Variants in INTS4 observed in about 807,000 individuals in gnomAD.
INTS4 encodes integrator complex subunit 4.
In INTS4, 70 loss-of-function variants were observed where a neutral mutation model predicts 119.5. The observed-to-expected ratio is 0.59, with a 90% CI of 0.48 to 0.71. The LOEUF is 0.71. Among genes scored for constraint, INTS4 ranks in the 30% least tolerant of loss-of-function variants. The pLI is 0.00. For missense variants in INTS4, 867 were observed against 1,173.2 expected, an observed-to-expected ratio of 0.74 and a Z score of 3.81; for synonymous variants, 316 against 419.6, an observed-to-expected ratio of 0.75 and a Z score of 3.02.
At chr11:77,922,856 G>T (rs1172244187) in intron 12 of INTS4, 11 of 302,176 alleles carry the variant, frequency 3.6e-5, no homozygotes, top group Non-Finnish European at 6.3e-5. Context: ...CCAGTGACTG[G>T]TTTGCTGGTG....
intron 22 of INTS4, among the ~76,000 whole-genome samples, chr11:77,882,278 A>G (rs527301097): frequency 2.4e-4 from 36 of 152,266 alleles, no homozygotes; most frequent in African/African-American, 7.5e-4. Flanking sequence ...GAAGTCTGCA[A>G]TGAACTAGGA....
chr11:77,905,222 C>T (rs7483572), intron 16 of INTS4, among the ~76,000 whole-genome samples: 42,970 of 151,780 alleles, frequency 0.28, 6,398 homozygotes, highest in African/African-American at 0.39. Flanking sequence ...TTTGGAAGGC[C>T]GAGGTGGGTG....
intron 8 of INTS4, among the ~76,000 whole-genome samples, chr11:77,952,847 T>A (rs554478969): frequency 6.6e-6 from 1 of 152,306 alleles, no homozygotes; most frequent in South Asian, 2.1e-4. Context: ...CCTATTCAGG[T>A]AAAGATATAT....
Position 77,892,325 on chromosome 11 carries a change from C to T in INTS4, c.2289-485G>A, listed in dbSNP as rs534874734. ...CACTGAGGCTCAGAAAAGTTAAGTA[C>T]GTTACTCCTGGCTCAGACTGATCCA... On this transcript the variant is annotated intron_variant, in intron 19 of 22. Coordinates refer to ENST00000534064, the MANE Select transcript of INTS4 (RefSeq NM_033547.4). Among the ~76,000 whole-genome samples, 7 of 152,236 alleles carry T rather than the reference C, an allele frequency of 4.6e-5. No individual in the cohort carries two copies. In the East Asian group the frequency reaches 1.4e-3, roughly 29 times the overall value.
intron 21 of INTS4, among the ~76,000 whole-genome samples, chr11:77,888,307 A>C (rs1952108301): frequency 6.6e-6 from 1 of 152,342 alleles, no homozygotes; most frequent in South Asian, 2.1e-4. Context: ...AAACCTGACA[A>C]AAACAAGCAA....
chr11:77,988,060 A>T (rs1268775104), intron 2 of INTS4, among the ~76,000 whole-genome samples: 5 of 152,186 alleles, frequency 3.3e-5, no homozygotes, highest in African/African-American at 4.8e-5. Context: ...TTTTTAAAAA[A>T]TTTTTTAAAG....
intron 19 of INTS4, among the ~76,000 whole-genome samples, chr11:77,893,538 G>A (rs193233904): frequency 2.0e-4 from 30 of 152,314 alleles, no homozygotes; most frequent in Admixed American, 1.5e-3. Flanking sequence ...TAGCCCACGA[G>A]TTCAAGGGTG....
intron 8 of INTS4, among the ~76,000 whole-genome samples, chr11:77,945,717 C>T (rs995696682): frequency 4.6e-5 from 7 of 152,160 alleles, no homozygotes; most frequent in East Asian, 1.9e-4. Context: ...GCCAATCCTG[C>T]GGCAGCCCCA....
chr11:77,903,771 T>C lies in INTS4; in HGVS notation c.2017-151A>G, dbSNP rs1952853506. Reference sequence around the variant, plus strand: ...CTTTTAACCCAATAAGCTGTATCTATTATGGAGAAAGATGAGACCAATGGT... The same window carrying C: ...CTTTTAACCCAATAAGCTGTATCTACTATGGAGAAAGATGAGACCAATGGT... On this transcript the variant is annotated intron_variant, in intron 16 of 22. Transcript: ENST00000534064. 4.7e-6 allele frequency: 3 copies of C among 642,964 alleles called. No homozygotes were observed. In the Middle Eastern group the frequency reaches 7.6e-4, roughly 163 times the overall value. The allele number at this position is 642,964 out of a possible 1,614,324, so 39.8% of individuals were successfully genotyped here.
At chr11:77,984,676 T>C (rs1049733832) in intron 2 of INTS4, among the ~76,000 whole-genome samples, 5 of 151,762 alleles carry the variant, frequency 3.3e-5, no homozygotes, top group African/African-American at 1.2e-4. Flanking sequence ...AACTGCACAC[T>C]TAAAATGGTT....
At position 77,888,372 on chromosome 11, in the gene INTS4, T is replaced by C. The variant is rs1479297392; in HGVS notation, c.2592+2947A>G. 3.3e-5 allele frequency among the ~76,000 whole-genome samples: 5 copies of C among 152,360 alleles called. No homozygotes were observed. In the East Asian group the frequency reaches 9.6e-4, roughly 29 times the overall value. On this transcript the variant is annotated intron_variant, in intron 21 of 22. Transcript: ENST00000534064. ...GTGCTGGGAAAACTGGCTAGTCATA[T>C]GTAGAAAGCTGAAACTGGATCCCTT...
intron 15 of INTS4, among the ~76,000 whole-genome samples, chr11:77,916,382 A>G (rs1418596319): frequency 6.6e-6 from 1 of 152,222 alleles, no homozygotes; most frequent in Non-Finnish European, 1.5e-5. Flanking sequence ...TTACTGTACT[A>G]AAGACTGTAG....
chr11:77,931,583 C>T (rs1953650381), intron 10 of INTS4, among the ~76,000 whole-genome samples: 1 of 152,040 alleles, frequency 6.6e-6, no homozygotes, highest in Non-Finnish European at 1.5e-5. Context: ...TCATGTACCC[C>T]TTAAATATAT....
chr11:77,891,487 G>T, intron 20 of INTS4, 25 bp from the exon 21 acceptor site: 2 of 1,612,734 alleles, frequency 1.2e-6, no homozygotes, highest in East Asian at 4.5e-5. Flanking sequence ...AAAATCCTAT[G>T]ATTTTAAAGC....
At chr11:77,973,704 T>C (rs1855824738) in intron 4 of INTS4, among the ~76,000 whole-genome samples, 1 of 152,248 alleles carries the variant, frequency 6.6e-6, no homozygotes, top group African/African-American at 2.4e-5. Flanking sequence ...TCTTCATTTA[T>C]TGTTATGATC....
At chr11:77,927,458 T>A (rs768475505) in intron 11 of INTS4, among the ~76,000 whole-genome samples, 7 of 152,108 alleles carry the variant, frequency 4.6e-5, no homozygotes, top group Admixed American at 3.3e-4. Context: ...CCCTTTCACA[T>A]CTGAACCCCA....
intron 21 of INTS4, among the ~76,000 whole-genome samples, chr11:77,884,469 A>T (rs1951915409): frequency 6.6e-6 from 1 of 152,234 alleles, no homozygotes; most frequent in East Asian, 1.9e-4. Context: ...AAACTGCAAC[A>T]GAGTTCTTTC....
At chr11:77,909,070 A>G (rs1246775890) in intron 15 of INTS4, among the ~76,000 whole-genome samples, 2 of 152,198 alleles carry the variant, frequency 1.3e-5, no homozygotes, top group Non-Finnish European at 2.9e-5. Flanking sequence ...CATGCTTACA[A>G]CAAATTGGTG....
At chr11:77,887,524 C>T (rs554419130) in intron 21 of INTS4, among the ~76,000 whole-genome samples, 8 of 152,174 alleles carry the variant, frequency 5.3e-5, no homozygotes, top group Non-Finnish European at 1.2e-4. Flanking sequence ...GACAGGGATG[C>T]CCTCTCTCAG....
Sources: gnomAD v4.1 joint callset for allele counts (sites outside exome capture counted in the v4.1 genomes callset) on GRCh38, gnomAD v4.1.1 for gene constraint, MANE v1.5 for transcripts, NCBI Gene and HGNC (gene_info 2026-07-23, HGNC 2026-07-21) for gene names.